Variants in CERS4 observed in about 807,000 individuals in gnomAD.
CERS4 encodes ceramide synthase 4.
In CERS4, 65 loss-of-function variants were observed where a neutral mutation model predicts 51.8. That is an observed-to-expected ratio of 1.26 (90% CI 1.03 to 1.54). The LOEUF is 1.54. Ranked by LOEUF, CERS4 falls within the 40% of genes most tolerant of loss-of-function variation. The pLI, the probability that CERS4 is intolerant of heterozygous loss-of-function variation, is 0.00. For missense variants in CERS4, 563 were observed against 500.4 expected, an observed-to-expected ratio of 1.13 and a Z score of -1.19; for synonymous variants, 228 against 208.4, an observed-to-expected ratio of 1.09 and a Z score of -0.81.
chr19:8,256,944 T>C lies in CERS4; in HGVS notation c.613-5T>C. ...GTCCCCACTATGACCCACCGTCTAC[T>C]GCAGGATTTCAAGGAGCAGGTGATA... On this transcript the variant is annotated splice_polypyrimidine_tract_variant and splice_region_variant and intron_variant, in intron 8 of 11. Transcript: ENST00000251363. The C allele has an allele frequency of 1.2e-6, 2 of 1,614,164 alleles. No individual in the cohort carries two copies. Among genetic ancestry groups the C allele is most frequent in the East Asian group, 2.2e-5 (1 of 44,892 alleles).
chr19:8,235,293 G>C lies in CERS4; in HGVS notation c.-1-15783G>C, dbSNP rs189571151. Among the ~76,000 whole-genome samples the C allele has an allele frequency of 2.2e-3, 310 of 141,910 alleles. 1 individual carries two copies. The highest frequency in any genetic ancestry group is 7.7e-3 in the African/African-American group (300 of 38,868). 93.1% of individuals were successfully genotyped at this position (141,910 alleles called of 152,430 possible). Reference sequence around the variant, plus strand: ...AAGTGCTGGGATTACAGGCGTGAACGACCGCACCTGGCATAATAGGGACGA... The same window carrying C: ...AAGTGCTGGGATTACAGGCGTGAACCACCGCACCTGGCATAATAGGGACGA... On this transcript the variant is annotated intron_variant, in intron 2 of 11. Transcript: ENST00000251363.
At chr19:8,254,662 TG>T in intron 4 of CERS4, 46 bp downstream of exon 4, 1 of 1,522,152 alleles carries the variant, frequency 6.6e-7, no homozygotes, top group Non-Finnish European at 8.9e-7. Context: ...GCCCTGGGGG[TG>T]GGGCGTGGGG....
intron 2 of CERS4, among the ~76,000 whole-genome samples, chr19:8,232,744 A>C (rs918084596): frequency 1.4e-5 from 2 of 146,074 alleles, no homozygotes; most frequent in Non-Finnish European, 1.5e-5. Flanking sequence ...TTTTTGAGAC[A>C]CGGTCTCACC....
chr19:8,256,707 C>G lies in CERS4; in HGVS notation c.609C>G (p.Arg203=). The G allele has an allele frequency of 6.8e-6, 11 of 1,612,596 alleles. No individual in the cohort carries two copies. The highest frequency in any genetic ancestry group is 8.5e-6 in the Non-Finnish European group (10 of 1,179,400). Residue 203 remains arginine, a synonymous_variant, in exon 8 of 12, where the codon CGC becomes CGG. Coordinates refer to ENST00000251363, the MANE Select transcript of CERS4 (RefSeq NM_024552.3). ...TCAGGCTGCCCTTTGATGTCAAGCG[C>G]AAGGTGAGGCCAAATAAGAGTCTGG... The part of the protein sequence containing the change: ...LLIRLPFDVK[R]KDFKEQVIHH...
chr19:8,238,099 C>T (rs895370403), intron 2 of CERS4, among the ~76,000 whole-genome samples: 2 of 152,028 alleles, frequency 1.3e-5, no homozygotes, highest in Non-Finnish European at 2.9e-5. Flanking sequence ...TCATTTTTTC[C>T]CTCCAACCCC....
chr19:8,253,710 C>T (rs1293354495), intron 3 of CERS4, among the ~76,000 whole-genome samples: 2 of 151,972 alleles, frequency 1.3e-5, no homozygotes, highest in African/African-American at 4.8e-5. Flanking sequence ...CCTGCCTCAA[C>T]CTCCCGAGTA....
At chr19:8,215,121 G>A (rs887717064) in intron 2 of CERS4, among the ~76,000 whole-genome samples, 2 of 151,920 alleles carry the variant, frequency 1.3e-5, no homozygotes, top group South Asian at 4.2e-4. Context: ...GATAGGTGAT[G>A]GGGGAGCCCT....
intron 3 of CERS4, among the ~76,000 whole-genome samples, chr19:8,252,553 C>T (rs1380819951): frequency 1.5e-4 from 23 of 151,964 alleles, no homozygotes; most frequent in Admixed American, 1.5e-3. Context: ...ACTCTCCTAT[C>T]TCAGCCTCAC....
intron 2 of CERS4, among the ~76,000 whole-genome samples, chr19:8,246,850 G>T (rs78096315): frequency 0.021 from 3,162 of 152,130 alleles, 53 homozygotes; most frequent in Middle Eastern, 0.048. Flanking sequence ...CTTTTGTGTA[G>T]GTTTGAAATG....
intron 2 of CERS4, among the ~76,000 whole-genome samples, chr19:8,223,601 A>C (rs1380154578): frequency 1.3e-5 from 2 of 151,992 alleles, no homozygotes; most frequent in East Asian, 3.9e-4. Flanking sequence ...CCTAGGCAAC[A>C]AGAGAGAAAC....
chr19:8,251,470 A>G (rs1969076809), intron 3 of CERS4, among the ~76,000 whole-genome samples: 1 of 152,212 alleles, frequency 6.6e-6, no homozygotes, highest in Admixed American at 6.5e-5. Context: ...TTATAGGAAC[A>G]CTGCACTGCC....
At position 8,256,241 on chromosome 19, in the gene CERS4, A is replaced by G; in HGVS notation, c.474A>G (p.Ser158=). ...TGACACCCATTTCCCTGCAGGAGTC[A>G]TGGCTGTGGGCACCAGTAATGTGCT... ...VGGLSVLYHE[S]WLWAPVMCWD... is the part of the protein sequence containing the mutation. The change falls in exon 7 of 12, where the codon TCA becomes TCG. Residue 158 remains serine, a synonymous_variant. Transcript: ENST00000251363. The G allele has an allele frequency of 1.2e-6, 2 of 1,612,710 alleles. No individual in the cohort carries two copies. Among genetic ancestry groups the G allele is most frequent in the Non-Finnish European group, 1.7e-6 (2 of 1,179,524 alleles).
chr19:8,245,007 AG>A (rs1968695620), intron 2 of CERS4, among the ~76,000 whole-genome samples: 1 of 150,832 alleles, frequency 6.6e-6, no homozygotes, highest in African/African-American at 2.4e-5. Flanking sequence ...AGCCGGGCGT[AG>A]TGGCGGGCAC....
chr19:8,214,062 T>TCA lies in CERS4; in HGVS notation c.-2+3214_-2+3215dup, dbSNP rs201116348. Among the ~76,000 whole-genome samples the TCA allele has an allele frequency of 2.7e-3, 412 of 151,696 alleles. 1 individual carries two copies. The highest frequency in any genetic ancestry group is 3.3e-3 in the Non-Finnish European group (223 of 67,934). ...TTATACCTTTGTTAATAGGATGCTG[T>TCA]CACACACACACACACTGAACCGCCT... On this transcript the variant is annotated intron_variant, in intron 2 of 11. Coordinates refer to ENST00000251363, the MANE Select transcript of CERS4 (RefSeq NM_024552.3).
intron 3 of CERS4, among the ~76,000 whole-genome samples, chr19:8,251,654 A>C (rs570771243): frequency 6.6e-6 from 1 of 151,946 alleles, no homozygotes; most frequent in South Asian, 2.1e-4. Context: ...TCTGCTAAAA[A>C]TACAAAAATT....
intron 2 of CERS4, among the ~76,000 whole-genome samples, chr19:8,231,118 C>T (rs1178519749): frequency 6.6e-6 from 1 of 152,164 alleles, no homozygotes; most frequent in Non-Finnish European, 1.5e-5. Flanking sequence ...GGATTACAGA[C>T]ATAATAGCTG....
chr19:8,260,779 C>CCTCT (rs553250277), intron 10 of CERS4, among the ~76,000 whole-genome samples: 1 of 151,072 alleles, frequency 6.6e-6, no homozygotes, highest in Non-Finnish European at 1.5e-5. Flanking sequence ...GCAAAAACCA[C>CCTCT]CTCTCTACTA....
At chr19:8,252,101 T>A (rs1969115710) in intron 3 of CERS4, among the ~76,000 whole-genome samples, 1 of 151,380 alleles carries the variant, frequency 6.6e-6, no homozygotes. Flanking sequence ...CTGGGTGCAG[T>A]GGCTCATGCC....
intron 2 of CERS4, among the ~76,000 whole-genome samples, chr19:8,225,994 A>G (rs8105664): frequency 0.8 from 121,797 of 151,800 alleles, 48,912 homozygotes; most frequent in African/African-American, 0.85. Flanking sequence ...ACAGGAGTTC[A>G]AGACCAGCTT....
Sources: gnomAD v4.1 joint callset for allele counts (sites outside exome capture counted in the v4.1 genomes callset) on GRCh38, gnomAD v4.1.1 for gene constraint, MANE v1.5 for transcripts, NCBI Gene and HGNC (gene_info 2026-07-23, HGNC 2026-07-21) for gene names.